Variants in PKHD1L1 observed in about 807,000 individuals in gnomAD.
The protein encoded by PKHD1L1 is fibrocystin-L.
In PKHD1L1, 434 loss-of-function variants were observed where a neutral mutation model predicts 462.9. The ratio of observed to expected loss-of-function variants is 0.94; its 90% CI spans 0.87 to 1.02. PKHD1L1 has a LOEUF of 1.02. Ranked by LOEUF, PKHD1L1 falls within the 50% of genes least tolerant of loss-of-function variation. PKHD1L1 has a pLI of 0.00. For missense variants in PKHD1L1, 5,202 were observed against 5,096.1 expected, an observed-to-expected ratio of 1.02 and a Z score of -0.63; for synonymous variants, 1,781 against 1,750.0, an observed-to-expected ratio of 1.02 and a Z score of -0.44.
chr8:109,404,825 G>A (rs940159659), intron 15 of PKHD1L1, 112 bp downstream of exon 15: 2 of 1,209,936 alleles, frequency 1.7e-6, no homozygotes, highest in Admixed American at 6.4e-5. Flanking sequence ...AGCAGTCATG[G>A]ACAATTATTA....
rs1288886538 is a variant in PKHD1L1, at chr8:109,498,777, T to TAC, written c.10828+10_10828+11dup. ...TGGCCTTTTGGACATCTCAGGCAAG[T>TAC]ACACAGTCTTTTACAAATCTTCTCA... On this transcript the variant is annotated splice_region_variant and intron_variant, in intron 67 of 77. Coordinates refer to ENST00000378402, the MANE Select transcript of PKHD1L1 (RefSeq NM_177531.6). The TAC allele has an allele frequency of 6.3e-7, 1 of 1,581,186 alleles. No homozygotes were observed. Among genetic ancestry groups the TAC allele is most frequent in the Non-Finnish European group, 8.7e-7 (1 of 1,152,496 alleles).
intron 30 of PKHD1L1, 40 bp downstream of exon 30, chr8:109,436,499 T>A: frequency 6.2e-7 from 1 of 1,603,752 alleles, no homozygotes; most frequent in South Asian, 1.1e-5. Context: ...CTCCTAAGTC[T>A]GAAATCTTAT....
At chr8:109,398,985 A>C (rs1158974171) in intron 12 of PKHD1L1, among the ~76,000 whole-genome samples, 1 of 152,102 alleles carries the variant, frequency 6.6e-6, no homozygotes, top group East Asian at 1.9e-4. Context: ...TGTTACTCTA[A>C]ATTCTTTTCA....
At chr8:109,442,243 T>C in intron 35 of PKHD1L1, 48 bp downstream of exon 35, 1 of 1,488,532 alleles carries the variant, frequency 6.7e-7, no homozygotes, top group Non-Finnish European at 9.1e-7. Flanking sequence ...TTTTCCTAAA[T>C]GTAATAAAAT....
In PKHD1L1 at chr8:109,464,368, G is replaced by C; in HGVS notation, c.7536G>C (p.Leu2512=). 1 of 1,613,204 alleles carries C rather than the reference G, an allele frequency of 6.2e-7. No individual in the cohort carries two copies. The highest frequency in any genetic ancestry group is 1.1e-5 in the South Asian group (1 of 91,036). Residue 2512 remains leucine, a synonymous_variant, in exon 49 of 78, where the codon CTG becomes CTC. Transcript: ENST00000378402. ...AVTIHNTHHL[L]VERNIIYDIK... Reference sequence around the variant, plus strand: ...CTATTCATAACACACACCATCTTCTGGTTGAGAGGAATATTATATATGATA... The same window carrying C: ...CTATTCATAACACACACCATCTTCTCGTTGAGAGGAATATTATATATGATA...
chr8:109,442,035 A>G lies in PKHD1L1; in HGVS notation c.4233A>G (p.Pro1411=). 6.2e-7 allele frequency: 1 copy of G among 1,611,514 alleles called. No individual in the cohort carries two copies. The highest frequency in any genetic ancestry group is 2.2e-5 in the East Asian group (1 of 44,798). ...SVHGLGYAWS[P]PVLNVSVGDT... Reference sequence around the variant, plus strand: ...ATGGATTAGGTTATGCCTGGTCACCACCAGTCCTAAATGTGTCTGTGGGGG... The same window carrying G: ...ATGGATTAGGTTATGCCTGGTCACCGCCAGTCCTAAATGTGTCTGTGGGGG... Residue 1411 remains proline (P), a synonymous_variant, in exon 35 of 78, where the codon CCA becomes CCG. Coordinates refer to ENST00000378402, the MANE Select transcript of PKHD1L1 (RefSeq NM_177531.6).
At chr8:109,459,906 G>C in intron 47 of PKHD1L1, 70 bp downstream of exon 47, 1 of 1,344,660 alleles carries the variant, frequency 7.4e-7, no homozygotes. Flanking sequence ...GGTTTATATT[G>C]AAATACATTA....
chr8:109,460,397 G>C (rs551445449), intron 47 of PKHD1L1, among the ~76,000 whole-genome samples: 4 of 152,208 alleles, frequency 2.6e-5, no homozygotes, highest in African/African-American at 7.2e-5. Context: ...ACTGATGATG[G>C]ATAGACAGAC....
At chr8:109,441,924 G>C (rs1815814471) in intron 34 of PKHD1L1, 83 bp from the exon 35 acceptor site, 1 of 1,171,594 alleles carries the variant, frequency 8.5e-7, no homozygotes, top group Non-Finnish European at 1.2e-6. Flanking sequence ...ACTACTGACT[G>C]TATATAAATT....
intron 3 of PKHD1L1, 42 bp downstream of exon 3, chr8:109,381,556 T>A: frequency 7.1e-7 from 1 of 1,407,604 alleles, no homozygotes; most frequent in Non-Finnish European, 9.7e-7. Context: ...TTTCATCATA[T>A]CAGAAGTTAC....
intron 50 of PKHD1L1, among the ~76,000 whole-genome samples, chr8:109,474,668 A>G (rs946396080): frequency 1.3e-5 from 2 of 152,252 alleles, no homozygotes; most frequent in Admixed American, 6.5e-5. Flanking sequence ...TTATGTTTTT[A>G]TATATTCTAC....
chr8:109,508,100 T>C lies in PKHD1L1; in HGVS notation c.11231T>C (p.Ile3744Thr). 6.3e-7 allele frequency: 1 copy of C among 1,599,650 alleles called. No homozygotes were observed. Among genetic ancestry groups the C allele is most frequent in the Non-Finnish European group, 8.5e-7 (1 of 1,175,052 alleles). The change falls in exon 70 of 78, where the codon ATT (isoleucine) becomes ACT (threonine). Residue 3744 changes from isoleucine to threonine, a missense_variant. By Grantham distance (89) the Ile-to-Thr change is moderately conservative. Transcript: ENST00000378402. ...ATATATATACATATGTTTCTAGGAA[T>C]TATTAGAGATTCAACCTGTAAGTAC... The part of the protein sequence containing the change: ...PVTEKAPHKG[I>T]IRDSTCKYLP...
chr8:109,467,455 G>C (rs1817509249), intron 50 of PKHD1L1, among the ~76,000 whole-genome samples: 1 of 120,166 alleles, frequency 8.3e-6, no homozygotes, highest in Non-Finnish European at 1.6e-5. Flanking sequence ...ATTTGATTAA[G>C]GAGGTGGCAA....
chr8:109,459,628 T>C lies in PKHD1L1; in HGVS notation c.7038T>C (p.Ile2346=). Residue 2346 remains isoleucine, a synonymous_variant, in exon 47 of 78, where the codon ATT becomes ATC. Transcript: ENST00000378402. ...HSQGENEKMT[I]ASVSADGINI... is the part of the protein sequence containing the mutation. ...AAGGAGAGAATGAAAAAATGACCAT[T>C]GCATCTGTGTCTGCTGATGGCATAA... 6.3e-7 allele frequency: 1 copy of C among 1,583,610 alleles called. No homozygotes were observed. The highest frequency in any genetic ancestry group is 8.6e-7 in the Non-Finnish European group (1 of 1,163,598).
At chr8:109,450,948 G>A (rs1384371401) in intron 40 of PKHD1L1, 27 bp from the exon 41 acceptor site, 1 of 1,568,486 alleles carries the variant, frequency 6.4e-7, no homozygotes, top group Admixed American at 1.8e-5. Flanking sequence ...TGGCAGAACT[G>A]CATTCAGTCT....
At chr8:109,515,056 T>A in intron 71 of PKHD1L1, 114 bp from the exon 72 acceptor site, 1 of 847,272 alleles carries the variant, frequency 1.2e-6, no homozygotes, top group Non-Finnish European at 1.7e-6. Flanking sequence ...CCCAAATCCA[T>A]AAAACTTAGT....
At chr8:109,431,094 A>C (rs183193694) in intron 27 of PKHD1L1, among the ~76,000 whole-genome samples, 1 of 152,006 alleles carries the variant, frequency 6.6e-6, no homozygotes, top group Non-Finnish European at 1.5e-5. Flanking sequence ...CAGCCTCCCA[A>C]GTAGCTGAGA....
intron 72 of PKHD1L1, among the ~76,000 whole-genome samples, chr8:109,516,832 T>C (rs1820292525): frequency 6.6e-6 from 1 of 152,104 alleles, no homozygotes; most frequent in Admixed American, 6.6e-5. Flanking sequence ...AGGAACTATC[T>C]TCATAGGCAG....
At chr8:109,467,004 G>A (rs1345170730) in intron 50 of PKHD1L1, among the ~76,000 whole-genome samples, 1 of 152,080 alleles carries the variant, frequency 6.6e-6, no homozygotes, top group Non-Finnish European at 1.5e-5. Context: ...ACAATATTAT[G>A]ACAGAGAGAG....
Sources: allele counts gnomAD v4.1 joint callset (sites outside exome capture counted in the v4.1 genomes callset), GRCh38; gene constraint gnomAD v4.1.1; transcripts MANE v1.5; gene names NCBI Gene and HGNC (gene_info 2026-07-23, HGNC 2026-07-21).